Variants in TLN2 observed in about 807,000 individuals in gnomAD.
TLN2 encodes the protein talin 2, also known as talin-2.
A neutral mutation model predicts 294.7 loss-of-function variants in TLN2; 118 were observed. That is an observed-to-expected ratio of 0.40 (90% confidence interval 0.34 to 0.47). The LOEUF (loss-of-function observed/expected upper bound fraction) is 0.47. TLN2 is among the 20% of genes least tolerant of loss of function. The pLI is 0.84. For missense variants in TLN2, 3,083 were observed against 3,282.2 expected, an observed-to-expected ratio of 0.94 and a Z score of 1.48; for synonymous variants, 1,431 against 1,304.5, an observed-to-expected ratio of 1.10 and a Z score of -2.09.
chr15:62,473,891 C>G (rs746332548), intron 1 of TLN2, among the ~76,000 whole-genome samples: 2 of 152,102 alleles, frequency 1.3e-5, no homozygotes, highest in African/African-American at 2.4e-5. Flanking sequence ...GTCAGGAGTT[C>G]GAGACCAGCC....
chr15:62,555,965 G>T, intron 1 of TLN2, among the ~76,000 whole-genome samples: 1 of 132,306 alleles, frequency 7.6e-6, no homozygotes, highest in African/African-American at 2.8e-5. Context: ...CATCCTAAAG[G>T]TTTTTCTCTT....
chr15:62,701,423 C>T (rs1000020607), intron 17 of TLN2, among the ~76,000 whole-genome samples: 5 of 152,194 alleles, frequency 3.3e-5, no homozygotes, highest in African/African-American at 9.7e-5. Context: ...TTGCCTGTAT[C>T]ATGCATCCTC....
At position 62,719,753 on chromosome 15, in the gene TLN2, C is replaced by T. The variant is rs2060010340; in HGVS notation, c.2878-14C>T. The T allele has an allele frequency of 6.3e-7, 1 of 1,579,316 alleles. No homozygotes were observed. Among genetic ancestry groups the T allele is most frequent in the Non-Finnish European group, 8.6e-7 (1 of 1,161,480 alleles). ...ATTCTAGCCATGCTGTTTTTATTTC[C>T]TTGCCTTCTGCAGGCAGTGGCTGAT... On this transcript the variant is annotated splice_polypyrimidine_tract_variant and intron_variant, in intron 24 of 58. Transcript: ENST00000636159.
rs573065801 is a variant in TLN2, at chr15:62,438,947, G to C, written c.-238+48262G>C. Among the ~76,000 whole-genome samples, 35 of 152,198 alleles carry C rather than the reference G, an allele frequency of 2.3e-4. 1 individual carries two copies. In the South Asian group the frequency reaches 4.4e-3, roughly 19 times the overall value. ...TAATTTCCTGTTTCTTTTGTACTTA[G>C]GATTTAACAATACGGTTGTGATTTA... On this transcript the variant is annotated intron_variant, in intron 1 of 58. Coordinates refer to ENST00000636159, the MANE Select transcript of TLN2 (RefSeq NM_015059.3).
chr15:62,459,413 G>A (rs1020705305), intron 1 of TLN2, among the ~76,000 whole-genome samples: 24 of 151,820 alleles, frequency 1.6e-4, no homozygotes, highest in African/African-American at 4.4e-4. Flanking sequence ...ATTTTAAAAG[G>A]GGCTGTGTCT....
Position 62,577,442 on chromosome 15 carries a change from C to A in TLN2, c.-237-12245C>A, listed in dbSNP as rs930081264. ...CTGGGCAATAAGAGCAAAACTCCAT[C>A]TCAAAAACAAAACAAAACAACAAAC... On this transcript the variant is annotated intron_variant, in intron 1 of 58. Transcript: ENST00000636159. Among the ~76,000 whole-genome samples, 3 of 152,250 alleles carry A rather than the reference C, an allele frequency of 2.0e-5. No homozygotes were observed. The East Asian group carries it at 5.8e-4, about 29-fold the overall frequency.
chr15:62,530,678 G>C (rs2040996618), intron 1 of TLN2, among the ~76,000 whole-genome samples: 1 of 152,182 alleles, frequency 6.6e-6, no homozygotes, highest in South Asian at 2.1e-4. Context: ...TTTAAAAAAT[G>C]GATAGGCATT....
At chr15:62,686,380 G>A (rs1008793788) in intron 11 of TLN2, among the ~76,000 whole-genome samples, 6 of 152,188 alleles carry the variant, frequency 3.9e-5, no homozygotes, top group South Asian at 2.1e-4. Flanking sequence ...TTCTGGCATC[G>A]TCTGTTTTTG....
intron 3 of TLN2, chr15:62,640,202 T>C (rs1011660364): frequency 2.2e-6 from 1 of 455,910 alleles, no homozygotes; most frequent in Non-Finnish European, 4.4e-6. Context: ...AGAAGACAGG[T>C]AGGGAGTGGA....
intron 1 of TLN2, among the ~76,000 whole-genome samples, chr15:62,533,731 A>G (rs2041180824): frequency 6.6e-6 from 1 of 152,210 alleles, no homozygotes; most frequent in South Asian, 2.1e-4. Flanking sequence ...AGCAGATGCT[A>G]GGACCAGGGC....
At chr15:62,601,632 A>C (rs1007349396) in intron 2 of TLN2, among the ~76,000 whole-genome samples, 3 of 152,204 alleles carry the variant, frequency 2.0e-5, no homozygotes, top group African/African-American at 7.2e-5. Flanking sequence ...AGTGATTGCA[A>C]AATAGTGGTA....
chr15:62,674,817 G>T (rs1272005012), intron 10 of TLN2, among the ~76,000 whole-genome samples: 2 of 152,160 alleles, frequency 1.3e-5, no homozygotes, highest in Non-Finnish European at 2.9e-5. Context: ...ATTGAGGATG[G>T]ATGTTAGAAT....
At chr15:62,524,853 G>A (rs1238268394) in intron 1 of TLN2, among the ~76,000 whole-genome samples, 7 of 152,136 alleles carry the variant, frequency 4.6e-5, no homozygotes, top group African/African-American at 1.7e-4. Flanking sequence ...CCCAACAAAT[G>A]AATAGAAGAA....
chr15:62,482,054 C>A (rs113694748), intron 1 of TLN2, among the ~76,000 whole-genome samples: 1 of 151,922 alleles, frequency 6.6e-6, no homozygotes, highest in African/African-American at 2.4e-5. Flanking sequence ...GCCTCAGCCT[C>A]CCAAAGTTCA....
rs191546956 is a variant in TLN2, at chr15:62,740,593, C to A, written c.3886-37C>A. On this transcript the variant is annotated intron_variant, in intron 31 of 58. Coordinates refer to ENST00000636159, the MANE Select transcript of TLN2 (RefSeq NM_015059.3). ...CTGAATGCCTCCTTCAAGAAATGGACAGGCCCTAATAGCTCCGGCTCCTTT... is the reference window on the plus strand; with the variant it reads ...CTGAATGCCTCCTTCAAGAAATGGAAAGGCCCTAATAGCTCCGGCTCCTTT... 25 of 1,612,274 alleles carry A rather than the reference C, an allele frequency of 1.6e-5. No individual in the cohort carries two copies. The African/African-American group carries it at 2.4e-4, about 15-fold the overall frequency.
intron 2 of TLN2, among the ~76,000 whole-genome samples, chr15:62,604,886 G>A (rs1377455919): frequency 6.6e-6 from 1 of 151,874 alleles, no homozygotes; most frequent in Non-Finnish European, 1.5e-5. Context: ...ATTTGCCGCT[G>A]CCGCCGCCTC....
intron 14 of TLN2, among the ~76,000 whole-genome samples, chr15:62,696,994 G>A (rs1472980342): frequency 6.6e-6 from 1 of 152,164 alleles, no homozygotes; most frequent in African/African-American, 2.4e-5. Context: ...GCACAAGGTT[G>A]ATACTTGTTT....
chr15:62,566,141 G>A (rs556856456), intron 1 of TLN2, among the ~76,000 whole-genome samples: 2 of 152,196 alleles, frequency 1.3e-5, no homozygotes, highest in African/African-American at 4.8e-5. Context: ...CTAGGTATGC[G>A]TTATATCCCT....
intron 42 of TLN2, among the ~76,000 whole-genome samples, chr15:62,772,748 C>T (rs567710794): frequency 5.9e-5 from 9 of 152,054 alleles, no homozygotes; most frequent in South Asian, 2.1e-4. Flanking sequence ...CTGCAACCTC[C>T]GCGTCCCGGG....
Sources: gnomAD v4.1 joint callset for allele counts (sites outside exome capture counted in the v4.1 genomes callset) on GRCh38, gnomAD v4.1.1 for gene constraint, MANE v1.5 for transcripts, NCBI Gene and HGNC (gene_info 2026-07-23, HGNC 2026-07-21) for gene names.